METTL15: variants seen among roughly 807,000 people sequenced by gnomAD.
METTL15 encodes methyltransferase 15, mitochondrial 12S rRNA N4-cytidine.
A neutral mutation model predicts 38.3 loss-of-function variants in METTL15; 34 were observed. The ratio of observed to expected loss-of-function variants is 0.89; its 90% CI spans 0.68 to 1.18. METTL15 has a LOEUF of 1.18. Among genes scored for constraint, METTL15 ranks in the 50% most tolerant of loss-of-function variants. The probability of loss-of-function intolerance (pLI) is 0.00; values close to 1 mark genes in which losing one functional copy is unlikely to be tolerated. For synonymous variants in METTL15, 162 were observed against 170.9 expected (o/e 0.95, Z 0.41); for missense variants, 438 against 498.4 (o/e 0.88, Z 1.15).
chr11:28,273,144 G>A (rs1032545539), intron 4 of METTL15, among the ~76,000 whole-genome samples: 4 of 152,104 alleles, frequency 2.6e-5, no homozygotes, highest in East Asian at 1.9e-4. Flanking sequence ...TGAGAATAGG[G>A]ACTATGTCTT....
intron 3 of METTL15, among the ~76,000 whole-genome samples, chr11:28,154,481 A>AGAG (rs1850197669): frequency 6.6e-6 from 1 of 152,146 alleles, no homozygotes; most frequent in Non-Finnish European, 1.5e-5. Flanking sequence ...TTTACCTTCT[A>AGAG]GTTCTAGAAC....
At chr11:28,500,150 C>T (rs191802818) in intron 6 of METTL15, among the ~76,000 whole-genome samples, 105 of 152,104 alleles carry the variant, frequency 6.9e-4, no homozygotes, top group African/African-American at 2.3e-3. Context: ...TGAACGGATA[C>T]ACACAATGAC....
At chr11:28,367,437 A>T (rs1470110122) in intron 5 of METTL15, among the ~76,000 whole-genome samples, 2 of 152,154 alleles carry the variant, frequency 1.3e-5, no homozygotes, top group African/African-American at 2.4e-5. Context: ...CTTACAAGGG[A>T]TGTGAAGGAC....
chr11:28,399,266 A>AC (rs1481909375), intron 5 of METTL15, among the ~76,000 whole-genome samples: 4 of 151,922 alleles, frequency 2.6e-5, no homozygotes, highest in Admixed American at 6.6e-5. Context: ...CTGAAACTGG[A>AC]CCCCTTCCTT....
At chr11:28,308,423 T>C (rs1249062451) in intron 6 of METTL15, among the ~76,000 whole-genome samples, 1 of 152,154 alleles carries the variant, frequency 6.6e-6, no homozygotes, top group African/African-American at 2.4e-5. Flanking sequence ...ATAATCTAGG[T>C]AAGATACTGT....
chr11:28,380,882 AC>A (rs1850376326), intron 5 of METTL15, among the ~76,000 whole-genome samples: 2 of 151,884 alleles, frequency 1.3e-5, no homozygotes, highest in African/African-American at 4.8e-5. Context: ...TCATTCCACT[AC>A]CTTCTGACCT....
chr11:28,143,873 C>CT (rs1347425238), intron 3 of METTL15, among the ~76,000 whole-genome samples: 2 of 152,178 alleles, frequency 1.3e-5, no homozygotes, highest in African/African-American at 4.8e-5. Context: ...ATTAGGATCT[C>CT]TTTTGACATC....
chr11:28,330,815 A>C lies in METTL15; in HGVS notation c.1198A>C (p.Lys400Gln). The change falls in exon 7 of 7, where the codon AAG becomes CAG. Residue 400 changes from lysine to glutamine, a missense_variant. By Grantham distance (53) the Lys-to-Gln change is moderately conservative. Transcript: ENST00000407364. ...VQDNPRGRSAKLRAAIKL is the reference protein window; with the variant it reads ...VQDNPRGRSAQLRAAIKL ...AGATAACCCCAGAGGGCGCTCAGCC[A>C]AGCTTAGAGCAGCTATCAAATTATA... 1 of 1,549,760 alleles carries C rather than the reference A, an allele frequency of 6.5e-7. No individual in the cohort carries two copies. Among genetic ancestry groups the C allele is most frequent in the Non-Finnish European group, 8.7e-7 (1 of 1,146,268 alleles).
intron 4 of METTL15, among the ~76,000 whole-genome samples, chr11:28,238,974 A>T (rs755608332): frequency 1.1e-4 from 16 of 150,964 alleles, no homozygotes; most frequent in African/African-American, 2.4e-4. Flanking sequence ...TTTTTTTCCT[A>T]TCTGTACTGT....
chr11:28,111,010 A>G (rs1352743765), intron 2 of METTL15, among the ~76,000 whole-genome samples: 2 of 152,316 alleles, frequency 1.3e-5, no homozygotes, highest in African/African-American at 4.8e-5. Context: ...GTTGTCTGGT[A>G]GGAAACTGGG....
At chr11:28,396,905 G>A (rs900203709) in intron 5 of METTL15, among the ~76,000 whole-genome samples, 2 of 152,166 alleles carry the variant, frequency 1.3e-5, no homozygotes, top group East Asian at 3.9e-4. Flanking sequence ...ATAGACCAAT[G>A]GAACAGAACA....
chr11:28,366,210 T>TTTTTTTTTACAA (rs1329422452), intron 5 of METTL15, among the ~76,000 whole-genome samples: 1 of 151,872 alleles, frequency 6.6e-6, no homozygotes, highest in Non-Finnish European at 1.5e-5. Flanking sequence ...AAAAAATTAT[T>TTTTTTTTTACAA]AAGAACAGGA....
At chr11:28,272,101 C>A (rs138825449) in intron 4 of METTL15, among the ~76,000 whole-genome samples, 2 of 152,120 alleles carry the variant, frequency 1.3e-5, no homozygotes, top group Admixed American at 1.3e-4. Flanking sequence ...AAAATAGGAA[C>A]GCTCTTACAC....
chr11:28,173,350 C>T (rs1055921614), intron 3 of METTL15, among the ~76,000 whole-genome samples: 1 of 152,094 alleles, frequency 6.6e-6, no homozygotes, highest in African/African-American at 2.4e-5. Context: ...TTATTTGTCT[C>T]TTATACCAAG....
At chr11:28,369,416 A>AAT (rs202183482) in intron 5 of METTL15, among the ~76,000 whole-genome samples, 36 of 151,734 alleles carry the variant, frequency 2.4e-4, no homozygotes, top group Middle Eastern at 6.8e-3. Flanking sequence ...CAAATATTCA[A>AAT]ATATATATAT....
chr11:28,454,652 G>C (rs1182451089), intron 6 of METTL15, among the ~76,000 whole-genome samples: 1 of 152,188 alleles, frequency 6.6e-6, no homozygotes, highest in Non-Finnish European at 1.5e-5. Context: ...GGTTGTTGGA[G>C]TTAACATACT....
chr11:28,175,877 A>G (rs1416077263), intron 3 of METTL15, among the ~76,000 whole-genome samples: 1 of 152,046 alleles, frequency 6.6e-6, no homozygotes, highest in Non-Finnish European at 1.5e-5. Context: ...AGAATCTCAT[A>G]TATTGGTGTA....
chr11:28,255,976 T>TA (rs1396216286), intron 4 of METTL15, among the ~76,000 whole-genome samples: 4 of 152,236 alleles, frequency 2.6e-5, no homozygotes, highest in African/African-American at 7.2e-5. Flanking sequence ...GTGCTGGGAT[T>TA]ACAGGCATGA....
chr11:28,245,326 C>T (rs1854465943), intron 4 of METTL15, among the ~76,000 whole-genome samples: 1 of 152,042 alleles, frequency 6.6e-6, no homozygotes, highest in African/African-American at 2.4e-5. Flanking sequence ...TTCCTGTGGC[C>T]ATAAAAGGAT....
Sources: gnomAD v4.1 joint callset for allele counts (sites outside exome capture counted in the v4.1 genomes callset) on GRCh38, gnomAD v4.1.1 for gene constraint, MANE v1.5 for transcripts, NCBI Gene and HGNC (gene_info 2026-07-23, HGNC 2026-07-21) for gene names.